Variants in CDK19 observed in about 807,000 individuals in gnomAD.
The protein encoded by CDK19 is cyclin-dependent kinase 19.
A neutral mutation model predicts 68.3 loss-of-function variants in CDK19; 20 were observed. That is an observed-to-expected ratio of 0.29 (90% confidence interval 0.21 to 0.43). The LOEUF (loss-of-function observed/expected upper bound fraction) is 0.43. Ranked by LOEUF, CDK19 falls within the 20% of genes least tolerant of loss-of-function variation. The pLI is 1.00. For synonymous variants in CDK19, 221 were observed against 222.8 expected, an observed-to-expected ratio of 0.99 and a Z score of 0.07; for missense variants, 339 against 623.5, an observed-to-expected ratio of 0.54 and a Z score of 4.86.
At chr6:110,705,162 T>C (rs1023729621) in intron 2 of CDK19, among the ~76,000 whole-genome samples, 8 of 150,846 alleles carry the variant, frequency 5.3e-5, no homozygotes, top group Non-Finnish European at 1.0e-4. Context: ...TGCCTCAGCC[T>C]CCCGAATACC....
At chr6:110,727,869 C>T (rs1247889832) in intron 2 of CDK19, among the ~76,000 whole-genome samples, 3 of 151,872 alleles carry the variant, frequency 2.0e-5, no homozygotes, top group African/African-American at 7.2e-5. Context: ...TCCCTATTGT[C>T]CCAGCCCAGC....
At chr6:110,773,282 T>C (rs1583068313) in intron 1 of CDK19, among the ~76,000 whole-genome samples, 1 of 150,900 alleles carries the variant, frequency 6.6e-6, no homozygotes, top group South Asian at 2.1e-4. Context: ...GAGGTGGAGG[T>C]TGCAGTGAGC....
chr6:110,739,867 T>C (rs1777525484), intron 2 of CDK19, among the ~76,000 whole-genome samples: 4 of 151,752 alleles, frequency 2.6e-5, no homozygotes, highest in Non-Finnish European at 5.9e-5. Flanking sequence ...CTCAAACTCT[T>C]GGCCTCAAGC....
chr6:110,741,817 T>C (rs781032557), intron 2 of CDK19, among the ~76,000 whole-genome samples: 4 of 152,044 alleles, frequency 2.6e-5, no homozygotes, highest in Non-Finnish European at 4.4e-5. Context: ...ACACTAATAC[T>C]GCAAAACTCA....
At chr6:110,628,168 G>A (rs1163962789) in intron 6 of CDK19, among the ~76,000 whole-genome samples, 5 of 152,102 alleles carry the variant, frequency 3.3e-5, no homozygotes, top group African/African-American at 9.7e-5. Flanking sequence ...CCAAGATCAT[G>A]CCACCGTACT....
Position 110,714,829 on chromosome 6 carries a change from G to T in CDK19, c.204+31297C>A, listed in dbSNP as rs1398672006. Among the ~76,000 whole-genome samples, 3 of 150,834 alleles carry T rather than the reference G, an allele frequency of 2.0e-5. No individual in the cohort carries two copies. In the South Asian group the frequency reaches 6.3e-4, roughly 32 times the overall value. ...GCTCACTGCAACCTCTGACTCTCAG[G>T]TGCAAGCAATTCTCCTGCCTCAGCC... On this transcript the variant is annotated intron_variant, in intron 2 of 12. Transcript: ENST00000368911.
At chr6:110,708,158 T>G (rs1397397832) in intron 2 of CDK19, among the ~76,000 whole-genome samples, 2 of 152,194 alleles carry the variant, frequency 1.3e-5, no homozygotes, top group Non-Finnish European at 2.9e-5. Flanking sequence ...ACATTTCAAG[T>G]GTTCAAAAGC....
intron 1 of CDK19, among the ~76,000 whole-genome samples, chr6:110,785,457 T>A (rs1257942565): frequency 6.6e-6 from 1 of 152,134 alleles, no homozygotes; most frequent in Non-Finnish European, 1.5e-5. Context: ...ATTCTTACAA[T>A]AAAGTAAGCT....
chr6:110,655,899 C>T (rs1430957425), intron 4 of CDK19, among the ~76,000 whole-genome samples: 1 of 152,206 alleles, frequency 6.6e-6, no homozygotes, highest in African/African-American at 2.4e-5. Context: ...CAACTAAGAT[C>T]CACCATAATC....
rs538948048 is a variant in CDK19 at position 110,612,501 on chromosome 6, C to G, written c.*2034G>C. 6.6e-6 allele frequency: 1 copy of G among 152,512 alleles called. No homozygotes were observed. Among genetic ancestry groups the G allele is most frequent in the African/African-American group, 2.4e-5 (1 of 41,522 alleles). The allele number at this position is 152,512 out of a possible 1,614,324, so 9.4% of individuals were successfully genotyped here. A position where few individuals can be genotyped will look rare whatever the true frequency, so the allele number is the denominator to read the frequency against. On this transcript the variant is annotated 3_prime_UTR_variant, in exon 13 of 13. Coordinates refer to ENST00000368911, the MANE Select transcript of CDK19 (RefSeq NM_015076.5). Reference sequence around the variant, plus strand: ...AGTCAATCACATGGCACAGACATCCCAGGAGGGCTTACTGTCACAGATCAC... The same window carrying G: ...AGTCAATCACATGGCACAGACATCCGAGGAGGGCTTACTGTCACAGATCAC...
intron 1 of CDK19, among the ~76,000 whole-genome samples, chr6:110,763,479 G>T (rs909276412): frequency 2.8e-5 from 4 of 144,936 alleles, no homozygotes; most frequent in East Asian, 2.1e-4. Flanking sequence ...GCAGTGGTGC[G>T]ATCTCAACTC....
intron 2 of CDK19, among the ~76,000 whole-genome samples, chr6:110,685,346 G>A (rs1772384089): frequency 1.3e-5 from 2 of 152,086 alleles, no homozygotes; most frequent in Admixed American, 1.3e-4. Context: ...TTACTTTTTA[G>A]AAAGAACTCA....
At chr6:110,633,656 C>T (rs1442444026) in intron 5 of CDK19, among the ~76,000 whole-genome samples, 1 of 152,168 alleles carries the variant, frequency 6.6e-6, no homozygotes, top group Non-Finnish European at 1.5e-5. Context: ...ATCCTGGAAA[C>T]TAATTTTCTT....
At chr6:110,620,875 C>T (rs1251269638) in intron 12 of CDK19, among the ~76,000 whole-genome samples, 1 of 152,180 alleles carries the variant, frequency 6.6e-6, no homozygotes, top group African/African-American at 2.4e-5. Context: ...GATGGGGGCA[C>T]TGGCCTCCCT....
At chr6:110,793,846 AACAG>A (rs1412605913) in intron 1 of CDK19, among the ~76,000 whole-genome samples, 9 of 152,338 alleles carry the variant, frequency 5.9e-5, no homozygotes, top group Middle Eastern at 6.8e-3. Context: ...AAAACCACTG[AACAG>A]ACAGAGGAAA....
intron 4 of CDK19, among the ~76,000 whole-genome samples, chr6:110,642,308 CAAAAAAAAAAAA>C (rs56320713): frequency 6.2e-5 from 6 of 96,328 alleles, no homozygotes; most frequent in African/African-American, 1.5e-4. Flanking sequence ...GACTCTGTTT[CAAAAAAAAAAAA>C]AAAAAAAAAG....
At chr6:110,646,699 G>A (rs561965227) in intron 4 of CDK19, 2 of 445,320 alleles carry the variant, frequency 4.5e-6, no homozygotes, top group East Asian at 3.5e-5. Flanking sequence ...CTGGAATCTC[G>A]TTCATCATCC....
chr6:110,629,558 T>C (rs181843115), intron 6 of CDK19, among the ~76,000 whole-genome samples: 2 of 152,324 alleles, frequency 1.3e-5, no homozygotes, highest in African/African-American at 4.8e-5. Context: ...ATTCACCATG[T>C]TGGCCAGGCT....
intron 2 of CDK19, among the ~76,000 whole-genome samples, chr6:110,707,516 T>C (rs903792998): frequency 6.6e-6 from 1 of 152,102 alleles, no homozygotes; most frequent in African/African-American, 2.4e-5. Flanking sequence ...ACATACAATA[T>C]TTTCACTAAA....
Sources: allele counts gnomAD v4.1 joint callset (sites outside exome capture counted in the v4.1 genomes callset), GRCh38; gene constraint gnomAD v4.1.1; transcripts MANE v1.5; gene names NCBI Gene and HGNC (gene_info 2026-07-23, HGNC 2026-07-21).